Variants in LEPR observed in about 807,000 individuals in gnomAD.
LEPR encodes the protein leptin receptor.
LEPR carries 56 observed loss-of-function variants against 114.7 expected under a neutral mutation model. The ratio of observed to expected loss-of-function variants is 0.49; its 90% CI spans 0.39 to 0.61. LEPR has a LOEUF of 0.61. Ranked by LOEUF, LEPR falls within the 20% of genes least tolerant of loss-of-function variation. The pLI, the probability that LEPR is intolerant of heterozygous loss-of-function variation, is 0.00. For missense variants in LEPR, 1,202 were observed against 1,352.9 expected, an observed-to-expected ratio of 0.89 and a Z score of 1.75; for synonymous variants, 443 against 461.4, an observed-to-expected ratio of 0.96 and a Z score of 0.51.
At chr1:65,606,189 A>G (rs1383828133) in intron 11 of LEPR, among the ~76,000 whole-genome samples, 1 of 152,148 alleles carries the variant, frequency 6.6e-6, no homozygotes, top group African/African-American at 2.4e-5. Context: ...TTTTCAATGT[A>G]AAGTCCCAAT....
In LEPR at chr1:65,636,790, T is replaced by C; in HGVS notation, c.3273T>C (p.Gly1091=). Residue 1091 remains glycine (G), a synonymous_variant, in exon 20 of 20, where the codon GGT becomes GGC. Transcript: ENST00000349533. ...GVTSIKKRES[G]VLLTDKSRVS... ...CCTCAATCAAAAAGAGAGAGAGTGG[T>C]GTGCTTTTGACTGACAAGTCAAGGG... 1 of 1,614,084 alleles carries C rather than the reference T, an allele frequency of 6.2e-7. No homozygotes were observed. Among genetic ancestry groups the C allele is most frequent in the Middle Eastern group, 1.7e-4 (1 of 6,058 alleles).
At chr1:65,604,665 C>T (rs977978626) in intron 10 of LEPR, among the ~76,000 whole-genome samples, 7 of 152,170 alleles carry the variant, frequency 4.6e-5, no homozygotes, top group African/African-American at 1.7e-4. Context: ...GGCCACGGAC[C>T]GGTACCTGTC....
At chr1:65,426,411 G>C (rs1454695174) in intron 2 of LEPR, among the ~76,000 whole-genome samples, 1 of 152,064 alleles carries the variant, frequency 6.6e-6, no homozygotes. Context: ...AATAGAACCT[G>C]GGAAAATATC....
intron 8 of LEPR, among the ~76,000 whole-genome samples, chr1:65,600,898 G>A (rs1191777323): frequency 6.6e-6 from 1 of 151,178 alleles, no homozygotes; most frequent in Non-Finnish European, 1.5e-5. Flanking sequence ...TTTATATCTC[G>A]TATCTTTACC....
chr1:65,453,071 G>T lies in LEPR; in HGVS notation c.-21+27693G>T, dbSNP rs540010483. On this transcript the variant is annotated intron_variant, in intron 2 of 19. Coordinates refer to ENST00000349533, the MANE Select transcript of LEPR (RefSeq NM_002303.6). ...GATTTTCTAGTTTATTTGCATAGAG[G>T]TGTTTGTAGTATTCTCTGATGGTAG... 9.8e-5 allele frequency among the ~76,000 whole-genome samples: 15 copies of T among 152,298 alleles called. 1 individual carries two copies. Among genetic ancestry groups the T allele is most frequent in the Middle Eastern group, 6.8e-3 (2 of 294 alleles).
intron 2 of LEPR, among the ~76,000 whole-genome samples, chr1:65,509,095 T>G (rs1303086262): frequency 6.6e-6 from 1 of 152,126 alleles, no homozygotes; most frequent in African/African-American, 2.4e-5. Context: ...TGGTTAGGTC[T>G]TCAGGATTTT....
At chr1:65,612,006 T>G (rs1657201188) in intron 14 of LEPR, among the ~76,000 whole-genome samples, 2 of 152,174 alleles carry the variant, frequency 1.3e-5, no homozygotes, top group African/African-American at 2.4e-5. Context: ...TGAATGCCTT[T>G]TATTAGTCAA....
At chr1:65,623,141 G>A in intron 19 of LEPR, 160 bp downstream of exon 19, 2 of 742,012 alleles carry the variant, frequency 2.7e-6, no homozygotes, top group Non-Finnish European at 4.3e-6. Context: ...ATAGCAGGAT[G>A]CAGGGATTTG....
intron 17 of LEPR, 123 bp from the exon 18 acceptor site, chr1:65,621,230 T>C: frequency 1.3e-6 from 1 of 756,380 alleles, no homozygotes; most frequent in Non-Finnish European, 2.2e-6. Context: ...TTTATTTTTA[T>C]ATTTTTGAAG....
chr1:65,528,441 A>G (rs915748795), intron 2 of LEPR, among the ~76,000 whole-genome samples: 2 of 152,142 alleles, frequency 1.3e-5, no homozygotes, highest in African/African-American at 4.8e-5. Context: ...TTCCTTCTCA[A>G]ACATGTTTTT....
At position 65,572,309 on chromosome 1, in the gene LEPR, T is replaced by A; in HGVS notation, c.371-17T>A. The A allele has an allele frequency of 6.9e-7, 1 of 1,454,804 alleles. No individual in the cohort carries two copies. The highest frequency in any genetic ancestry group is 9.0e-7 in the Non-Finnish European group (1 of 1,107,042). The allele number at this position is 1,454,804 out of a possible 1,614,324, so 90.1% of individuals were successfully genotyped here. A position where few individuals can be genotyped will look rare whatever the true frequency, so the allele number is the denominator to read the frequency against. ...GTAGTTGTTTTTTTTTTTTTTTTTT[T>A]TTTTTTTTAAATTCAGATGCAAACT... On this transcript the variant is annotated splice_polypyrimidine_tract_variant and intron_variant, in intron 4 of 19. Transcript: ENST00000349533.
intron 1 of LEPR, among the ~76,000 whole-genome samples, chr1:65,422,998 C>G (rs568745313): frequency 6.6e-6 from 1 of 152,264 alleles, no homozygotes; most frequent in South Asian, 2.1e-4. Context: ...TTTAAGAAGT[C>G]TGGGAGATTG....
Position 65,605,202 on chromosome 1 carries a change from A to T in LEPR, c.1568A>T (p.Asp523Val), listed in dbSNP as rs1429870996. Residue 523 changes from aspartate (D) to valine (V), a missense_variant, in exon 11 of 20, where the codon GAC (aspartate) becomes GTC (valine). Physicochemically the swap from Asp to Val is radical, Grantham distance 152 (BLOSUM62 -3). Coordinates refer to ENST00000349533, the MANE Select transcript of LEPR (RefSeq NM_002303.6). The part of the protein sequence containing the change: ...IRINHSLGSL[D>V]SPPTCVLPDS... ...ATCAATCACTCTCTAGGTTCACTTG[A>T]CTCTCCACCAACATGTGTCCTTCCT... is the stretch of plus-strand genomic sequence containing the variant. 3.7e-6 allele frequency: 6 copies of T among 1,613,776 alleles called. No individual in the cohort carries two copies. Among genetic ancestry groups the T allele is most frequent in the Non-Finnish European group, 5.1e-6 (6 of 1,179,954 alleles).
chr1:65,458,779 C>G (rs1229088516), intron 2 of LEPR, among the ~76,000 whole-genome samples: 1 of 152,076 alleles, frequency 6.6e-6, no homozygotes, highest in African/African-American at 2.4e-5. Context: ...TTTATTTTTT[C>G]TGTTCCTTTT....
intron 5 of LEPR, among the ~76,000 whole-genome samples, chr1:65,574,519 A>C (rs1460401191): frequency 1.3e-5 from 2 of 152,212 alleles, no homozygotes; most frequent in African/African-American, 4.8e-5. Context: ...CTCAAGTTTG[A>C]AAATTCCTGC....
In LEPR at chr1:65,600,684, A is replaced by G. The variant is rs572708717; in HGVS notation, c.995-708A>G. On this transcript the variant is annotated intron_variant, in intron 8 of 19. Coordinates refer to ENST00000349533, the MANE Select transcript of LEPR (RefSeq NM_002303.6). ...AAAATGATAGGCAAATGAAATTTAC[A>G]ACAACAGAGGACTTTAAAAATAGTA... Among the ~76,000 whole-genome samples the G allele has an allele frequency of 5.0e-4, 76 of 152,254 alleles. No individual in the cohort carries two copies. In the South Asian group the frequency reaches 0.011, roughly 23 times the overall value.
chr1:65,592,540 C>T lies in LEPR; in HGVS notation c.495-117C>T, dbSNP rs2100897676. ...TGTAGGGTTTTTTTTTTTCAGATACCCTTTAAGCTGGGTGTCCCAAATAGT... is the reference window on the plus strand; with the variant it reads ...TGTAGGGTTTTTTTTTTTCAGATACTCTTTAAGCTGGGTGTCCCAAATAGT... On this transcript the variant is annotated intron_variant, in intron 5 of 19. Transcript: ENST00000349533. The T allele has an allele frequency of 1.1e-5, 12 of 1,052,942 alleles. No homozygotes were observed. The South Asian group carries it at 1.3e-4, about 12-fold the overall frequency. The allele number at this position is 1,052,942 out of a possible 1,614,324, so 65.2% of individuals were successfully genotyped here.
At chr1:65,479,075 G>T (rs1046292925) in intron 2 of LEPR, among the ~76,000 whole-genome samples, 1 of 152,152 alleles carries the variant, frequency 6.6e-6, no homozygotes, top group Non-Finnish European at 1.5e-5. Flanking sequence ...AATCCCAGAG[G>T]ATTCATGAAG....
chr1:65,433,408 A>G, intron 2 of LEPR: 1 of 985,388 alleles, frequency 1.0e-6, no homozygotes. Context: ...TTCCCTGCTC[A>G]CCTTTTTGTC....
Sources: gnomAD v4.1 joint callset for allele counts (sites outside exome capture counted in the v4.1 genomes callset) on GRCh38, gnomAD v4.1.1 for gene constraint, MANE v1.5 for transcripts, NCBI Gene and HGNC (gene_info 2026-07-23, HGNC 2026-07-21) for gene names.